Variants in SMC2 observed in about 807,000 individuals in gnomAD.
The protein encoded by SMC2 is structural maintenance of chromosomes protein 2.
A neutral mutation model predicts 142.6 loss-of-function variants in SMC2; 41 were observed. That is an observed-to-expected ratio of 0.29 (90% CI 0.22 to 0.37). The LOEUF (loss-of-function observed/expected upper bound fraction) is 0.37. Ranked by LOEUF, SMC2 falls within the 10% of genes least tolerant of loss-of-function variation. SMC2 has a pLI of 1.00. For missense variants in SMC2, 1,265 were observed against 1,373.7 expected, an observed-to-expected ratio of 0.92 and a Z score of 1.25; for synonymous variants, 463 against 457.5, an observed-to-expected ratio of 1.01 and a Z score of -0.15.
Position 104,138,018 on chromosome 9 carries a change from G to C in SMC2, c.3270G>C (p.Arg1090Ser). 2 of 1,564,466 alleles carry C rather than the reference G, an allele frequency of 1.3e-6. No individual in the cohort carries two copies. The highest frequency in any genetic ancestry group is 1.7e-6 in the Non-Finnish European group (2 of 1,151,180). Residue 1090 changes from arginine to serine, a missense_variant and splice_region_variant, in exon 24 of 25, where the codon AGG (arginine) becomes AGC (serine). Around this residue, in one of 4 missense-constraint regions of SMC2, gnomAD observed 192 missense variants for 261.9 expected, o/e 0.73. Transcript: ENST00000374793. ...GGCTTTTCTTCTGACCTTTTCTTAG[G>C]TCTTTAGTGGCCTTGTCATTAATAC... ...ENLTELSGGQ[R>S]SLVALSLILS...
intron 21 of SMC2, among the ~76,000 whole-genome samples, chr9:104,131,683 G>C (rs1564115324): frequency 6.8e-6 from 1 of 147,514 alleles, no homozygotes; most frequent in Non-Finnish European, 1.5e-5. Context: ...GGCTGCTAAG[G>C]AGATAAGGGA....
At chr9:104,120,605 A>G (rs948221225) in intron 16 of SMC2, among the ~76,000 whole-genome samples, 1 of 152,222 alleles carries the variant, frequency 6.6e-6, no homozygotes, top group Non-Finnish European at 1.5e-5. Context: ...AGGATCTGCT[A>G]GGTTGCCTAG....
chr9:104,092,433 A>G (rs545672559), upstream of SMC2: 5 of 152,346 alleles, frequency 3.3e-5, no homozygotes, highest in East Asian at 9.6e-4. Flanking sequence ...TTATTTCACA[A>G]CGTGACAAAG....
intron 10 of SMC2, 67 bp from the exon 11 acceptor site, chr9:104,113,249 C>T (rs544947415): frequency 1.7e-5 from 20 of 1,209,074 alleles, no homozygotes; most frequent in African/African-American, 1.6e-4. Flanking sequence ...TCTGAATCTT[C>T]GGCCATTTAA....
At position 104,129,812 on chromosome 9, in the gene SMC2, A is replaced by T; in HGVS notation, c.2958A>T (p.Arg986Ser). ...KEKLGRNVNM[R>S]AMNVLTEAEE... ...AACTAGGAAGAAATGTCAATATGAG[A>T]GCTATGAATGTATTGACAGAAGCTG... The change falls in exon 21 of 25, where the codon AGA becomes AGT. Residue 986 changes from arginine (R) to serine (S), a missense_variant. Physicochemically the swap from Arg to Ser is moderately radical, Grantham distance 110. Transcript: ENST00000374793. The T allele has an allele frequency of 6.2e-7, 1 of 1,613,812 alleles. No homozygotes were observed.
chr9:104,096,538 A>G (rs1472989515), intron 3 of SMC2, among the ~76,000 whole-genome samples: 1 of 152,274 alleles, frequency 6.6e-6, no homozygotes, highest in African/African-American at 2.4e-5. Context: ...AGCTATGCTG[A>G]AATCTTAAAC....
intron 20 of SMC2, among the ~76,000 whole-genome samples, chr9:104,128,315 T>C (rs1283401206): frequency 6.6e-6 from 1 of 152,234 alleles, no homozygotes; most frequent in East Asian, 1.9e-4. Context: ...TTTATTACTA[T>C]TGATTTCCCA....
At chr9:104,122,543 T>A (rs2131468859) in intron 16 of SMC2, among the ~76,000 whole-genome samples, 1 of 152,104 alleles carries the variant, frequency 6.6e-6, no homozygotes, top group South Asian at 2.1e-4. Context: ...ACTTGAAATT[T>A]CACTGCAACT....
In SMC2 at chr9:104,102,115, G is replaced by C; in HGVS notation, c.792G>C (p.Gln264His). The change falls in exon 8 of 25, where the codon CAG becomes CAC. Residue 264 changes from glutamine (Q) to histidine (H), a missense_variant. Transcript: ENST00000374793. ...TGCAAGATAAAGTTATAAAGCTTCA[G>C]GAAGAATTGTCTGAGAATGATAAAA... ...KEMQDKVIKL[Q>H]EELSENDKKI... 1 of 1,601,490 alleles carries C rather than the reference G, an allele frequency of 6.2e-7. No homozygotes were observed. Among genetic ancestry groups the C allele is most frequent in the Non-Finnish European group, 8.5e-7 (1 of 1,169,798 alleles).
upstream of SMC2, among the ~76,000 whole-genome samples, chr9:104,093,897 G>A (rs570723801): frequency 6.6e-5 from 10 of 152,332 alleles, 1 homozygote; most frequent in South Asian, 4.1e-4. Flanking sequence ...CAGAACCGAC[G>A]AGAACACTCA....
At position 104,127,454 on chromosome 9, in the gene SMC2, C is replaced by T. The variant is rs777188494; in HGVS notation, c.2764C>T (p.Arg922Trp). 2.5e-5 allele frequency: 41 copies of T among 1,610,190 alleles called. No individual in the cohort carries two copies. The highest frequency in any genetic ancestry group is 4.5e-5 in the East Asian group (2 of 44,826). Residue 922 changes from arginine to tryptophan, a missense_variant, in exon 20 of 25, where the codon CGG becomes TGG. By Grantham distance (101) the Arg-to-Trp change is moderately radical. Coordinates refer to ENST00000374793, the MANE Select transcript of SMC2 (RefSeq NM_006444.3). ...AGACCACAACATCAGCAAACATAAA[C>T]GGGAGGCTGAAGATGGTGCTGCAAA... ...ELDHNISKHK[R>W]EAEDGAAKVS...
At chr9:104,111,383 TAA>T (rs1832426267) in intron 9 of SMC2, among the ~76,000 whole-genome samples, 196 bp from the exon 10 acceptor site, 1 of 152,186 alleles carries the variant, frequency 6.6e-6, no homozygotes, top group Admixed American at 6.5e-5. Flanking sequence ...ACCAGTAGTA[TAA>T]GAGTTATATT....
Position 104,126,658 on chromosome 9 carries a change from T to C in SMC2, c.2469T>C (p.Thr823=). The C allele has an allele frequency of 2.5e-6, 4 of 1,608,872 alleles. No homozygotes were observed. Among genetic ancestry groups the C allele is most frequent in the Non-Finnish European group, 3.4e-6 (4 of 1,178,928 alleles). ...KEKQQEVEAI[T]LELEELKREH... ...TTTTATAGGAAGTTGAAGCTATCAC[T>C]CTGGAACTGGAAGAGCTCAAGAGAG... Residue 823 remains threonine (T), a synonymous_variant, in exon 19 of 25, where the codon ACT becomes ACC. Transcript: ENST00000374793.
In SMC2 at chr9:104,123,219, TA is replaced by T. The variant is rs1257129093; in HGVS notation, c.2251del (p.Thr751ProfsTer9). The part of the protein sequence containing the change: ...HKQQEELDAL[K>X]KTIEESEETL... ...AGCAACAAGAAGAATTAGATGCCCT[TA>T]AAAAAACCATTGGTAAGATGAAAAC... On this transcript the variant is annotated frameshift_variant, in exon 17 of 25. Transcript: ENST00000374793. LOFTEE classifies it high-confidence loss of function. 2 of 1,611,618 alleles carry T rather than the reference TA, an allele frequency of 1.2e-6. No homozygotes were observed. Among genetic ancestry groups the T allele is most frequent in the East Asian group, 2.2e-5 (1 of 44,650 alleles).
At chr9:104,124,860 G>GTCAACCTT in intron 17 of SMC2, 52 bp from the exon 18 acceptor site, 1 of 1,402,100 alleles carries the variant, frequency 7.1e-7, no homozygotes. Context: ...AGTTGAATTT[G>GTCAACCTT]TCAACCTTTA....
intron 9 of SMC2, among the ~76,000 whole-genome samples, chr9:104,107,417 T>A (rs2131356379): frequency 6.6e-6 from 1 of 152,298 alleles, no homozygotes; most frequent in Non-Finnish European, 1.5e-5. Context: ...GCATGGAGGT[T>A]GTGGACACCT....
At chr9:104,125,300 A>G (rs2417487) in intron 18 of SMC2, among the ~76,000 whole-genome samples, 195 bp downstream of exon 18, 86,245 of 151,852 alleles carry the variant, frequency 0.57, 25,586 homozygotes, top group African/African-American at 0.69. Flanking sequence ...TCCAAAATAC[A>G]AATTAGAAAC....
intron 24 of SMC2, 44 bp from the exon 25 acceptor site, chr9:104,139,095 A>G (rs1835848125): frequency 1.5e-6 from 2 of 1,357,688 alleles, no homozygotes; most frequent in African/African-American, 1.5e-5. Context: ...AACTTCAAGT[A>G]TATCACAAAA....
Position 104,120,125 on chromosome 9 carries a change from G to C in SMC2, c.2095G>C (p.Glu699Gln). The change falls in exon 16 of 25, where the codon GAA (glutamate) becomes CAA (glutamine). Residue 699 changes from glutamate (E) to glutamine (Q), a missense_variant. Glu to Gln is a conservative substitution (Grantham distance 29). Transcript: ENST00000374793. ...RIKENELRALEEELAGLKNTA... is the reference protein window; with the variant it reads ...RIKENELRALQEELAGLKNTA... ...CAAAGAGAATGAGCTGCGGGCTCTAGAAGAGGAATTAGCAGGTCTTAAAAA... is the reference window on the plus strand; with the variant it reads ...CAAAGAGAATGAGCTGCGGGCTCTACAAGAGGAATTAGCAGGTCTTAAAAA... 1 of 1,613,576 alleles carries C rather than the reference G, an allele frequency of 6.2e-7. No homozygotes were observed. Among genetic ancestry groups the C allele is most frequent in the Non-Finnish European group, 8.5e-7 (1 of 1,179,824 alleles).
Sources: gnomAD v4.1 joint callset for allele counts (sites outside exome capture counted in the v4.1 genomes callset) on GRCh38, gnomAD v4.1.1 for gene constraint, gnomAD v4.1.1 regional missense constraint, MANE v1.5 for transcripts, NCBI Gene and HGNC (gene_info 2026-07-23, HGNC 2026-07-21) for gene names.